Variants in BANK1 observed in about 807,000 individuals in gnomAD.
BANK1 encodes the protein B-cell scaffold protein with ankyrin repeats.
Under a neutral mutation model 94.5 loss-of-function variants are expected in BANK1, and 95 were observed. That is an observed-to-expected ratio of 1.00 (90% CI 0.85 to 1.19). BANK1 has a LOEUF of 1.19. Ranked by LOEUF, BANK1 falls within the 50% of genes most tolerant of loss-of-function variation. BANK1 has a pLI of 0.00. For missense variants in BANK1, 987 were observed against 932.2 expected (o/e 1.06, Z -0.77); for synonymous variants, 334 against 308.4 (o/e 1.08, Z -0.87).
intron 6 of BANK1, among the ~76,000 whole-genome samples, chr4:101,909,140 C>G (rs1471160901): frequency 6.6e-6 from 1 of 152,090 alleles, no homozygotes; most frequent in Non-Finnish European, 1.5e-5. Context: ...TTGGAACCAA[C>G]CCAAATGTCC....
intron 7 of BANK1, among the ~76,000 whole-genome samples, chr4:102,007,190 C>A: frequency 1.9e-5 from 2 of 105,540 alleles, no homozygotes; most frequent in South Asian, 2.8e-4. Context: ...AAATAGAATG[C>A]CTGACATCTG....
intron 7 of BANK1, among the ~76,000 whole-genome samples, chr4:101,997,222 T>C (rs766567007): frequency 3.9e-5 from 6 of 152,206 alleles, no homozygotes; most frequent in Non-Finnish European, 5.9e-5. Context: ...GTTTATGTGA[T>C]GGATTATGTT....
At chr4:101,848,100 G>A in intron 2 of BANK1, among the ~76,000 whole-genome samples, 1 of 152,156 alleles carries the variant, frequency 6.6e-6, no homozygotes. Context: ...GGGAAAGTTA[G>A]ACACTTCTCC....
chr4:101,808,188 A>G (rs531602508), intron 1 of BANK1, among the ~76,000 whole-genome samples: 1 of 152,292 alleles, frequency 6.6e-6, no homozygotes, highest in South Asian at 2.1e-4. Context: ...TCTGAAATAA[A>G]CTTATTTAAT....
At chr4:101,857,372 C>A (rs535294530) in intron 3 of BANK1, among the ~76,000 whole-genome samples, 1 of 152,112 alleles carries the variant, frequency 6.6e-6, no homozygotes, top group Non-Finnish European at 1.5e-5. Flanking sequence ...TTTATAGTTG[C>A]GTAATTTTCA....
intron 6 of BANK1, among the ~76,000 whole-genome samples, chr4:101,912,595 G>T (rs1243965991): frequency 2.0e-5 from 3 of 147,560 alleles, no homozygotes; most frequent in African/African-American, 7.4e-5. Flanking sequence ...TGAATATATA[G>T]ATTAAATTAT....
chr4:102,049,974 C>A (rs138484751), intron 11 of BANK1, among the ~76,000 whole-genome samples: 1 of 152,256 alleles, frequency 6.6e-6, no homozygotes, highest in African/African-American at 2.4e-5. Flanking sequence ...CAGGGCTCTG[C>A]GTTTGCAGAT....
intron 2 of BANK1, 38 bp downstream of exon 2, chr4:101,830,244 G>GTTT: frequency 1.0e-5 from 13 of 1,285,900 alleles, no homozygotes; most frequent in South Asian, 1.9e-5. Flanking sequence ...ATTTTTATTT[G>GTTT]TTTTTTTTTT....
At chr4:102,011,203 A>G (rs1192181636) in intron 7 of BANK1, among the ~76,000 whole-genome samples, 1 of 152,256 alleles carries the variant, frequency 6.6e-6, no homozygotes, top group Non-Finnish European at 1.5e-5. Flanking sequence ...CTAAAGCTGA[A>G]GGAATACTGT....
chr4:102,006,691 T>C (rs1726270557), intron 7 of BANK1, among the ~76,000 whole-genome samples: 1 of 151,938 alleles, frequency 6.6e-6, no homozygotes, highest in African/African-American at 2.4e-5. Context: ...CTGGATAGGA[T>C]TTCATAATTT....
At chr4:101,944,329 A>G (rs1723860846) in intron 7 of BANK1, among the ~76,000 whole-genome samples, 1 of 151,874 alleles carries the variant, frequency 6.6e-6, no homozygotes, top group African/African-American at 2.4e-5. Context: ...CCTCAGCTTC[A>G]GCCATTTGGA....
rs200271324 is a variant in BANK1, at chr4:102,073,701, A to C, written c.2316A>C (p.Gln772His). The stretch of plus-strand genomic sequence containing the variant: ...TTTTTCAGCTTCCTGCTCGACCCCA[A>C]GTTGAAAAGGAATTTGGTTTCTGTT... ...HFSNKLPARP[Q>H]VEKEFGFCCK... Residue 772 changes from glutamine (Q) to histidine (H), a missense_variant, in exon 16 of 17, where the codon CAA becomes CAC. Gln to His is a conservative substitution (Grantham distance 24). Coordinates refer to ENST00000322953, the MANE Select transcript of BANK1 (RefSeq NM_017935.5). 6.2e-7 allele frequency: 1 copy of C among 1,611,848 alleles called. No individual in the cohort carries two copies. Among genetic ancestry groups the C allele is most frequent in the East Asian group, 2.2e-5 (1 of 44,774 alleles).
At chr4:101,933,274 C>G (rs1042681440) in intron 7 of BANK1, among the ~76,000 whole-genome samples, 1 of 142,014 alleles carries the variant, frequency 7.0e-6, no homozygotes, top group Admixed American at 7.5e-5. Context: ...TGACAGGTAG[C>G]GTATTCAATG....
intron 7 of BANK1, among the ~76,000 whole-genome samples, chr4:101,945,534 TA>T (rs1339203443): frequency 6.6e-6 from 1 of 151,864 alleles, no homozygotes; most frequent in Non-Finnish European, 1.5e-5. Flanking sequence ...CTATTTCAAG[TA>T]AAAAATGACT....
chr4:101,839,937 A>ATTTTTTT lies in BANK1; in HGVS notation c.469+9774_469+9780dup, dbSNP rs70964197. 1.1e-3 allele frequency among the ~76,000 whole-genome samples: 60 copies of ATTTTTTT among 53,082 alleles called. 14 individuals carry two copies. The highest frequency in any genetic ancestry group is 2.3e-3 in the Admixed American group (9 of 3,924). The allele number at this position is 53,082 out of a possible 152,430, so 34.8% of individuals were successfully genotyped here. On this transcript the variant is annotated intron_variant, in intron 2 of 16. Transcript: ENST00000322953. ...GCTACTATATAATTTCAAATATTTAATTTTTTTTTTTTTTTTTTTTTTTTT... is the reference window on the plus strand; with the variant it reads ...GCTACTATATAATTTCAAATATTTAATTTTTTTTTTTTTTTTTTTTTTTTTTTTTTTT...
intron 7 of BANK1, among the ~76,000 whole-genome samples, chr4:101,953,600 A>C (rs1468434882): frequency 6.6e-6 from 1 of 151,988 alleles, no homozygotes; most frequent in Non-Finnish European, 1.5e-5. Flanking sequence ...GATGCTAAGT[A>C]TCTTTCTGCT....
intron 7 of BANK1, among the ~76,000 whole-genome samples, chr4:102,017,931 T>C (rs1578458564): frequency 6.6e-6 from 1 of 152,208 alleles, no homozygotes; most frequent in African/African-American, 2.4e-5. Context: ...CAACTGTGGA[T>C]GGAGTTCCTC....
At chr4:102,063,813 T>TATC (rs984005711) in intron 13 of BANK1, among the ~76,000 whole-genome samples, 14 of 140,804 alleles carry the variant, frequency 9.9e-5, no homozygotes, top group Non-Finnish European at 4.6e-5. Context: ...AGCAAGACTC[T>TATC]ATCTCAAAAA....
chr4:101,899,409 G>C (rs1363888708), intron 6 of BANK1, among the ~76,000 whole-genome samples: 2 of 152,014 alleles, frequency 1.3e-5, no homozygotes, highest in South Asian at 2.1e-4. Context: ...CAACCCACAA[G>C]TACAAATTTT....
Sources: allele counts gnomAD v4.1 joint callset (sites outside exome capture counted in the v4.1 genomes callset), GRCh38; gene constraint gnomAD v4.1.1; transcripts MANE v1.5; gene names NCBI Gene and HGNC (gene_info 2026-07-23, HGNC 2026-07-21).